Variants in CACNA1A observed in about 807,000 individuals in gnomAD.
CACNA1A encodes voltage-dependent P/Q-type calcium channel subunit alpha-1A.
CACNA1A carries 57 observed loss-of-function variants against 262.4 expected under a neutral mutation model. That is an observed-to-expected ratio of 0.22 (90% CI 0.18 to 0.27). The LOEUF (loss-of-function observed/expected upper bound fraction) is 0.27. Among genes scored for constraint, CACNA1A ranks in the 10% least tolerant of loss-of-function variants. The pLI is 1.00. For missense variants in CACNA1A, 2,526 were observed against 3,562.8 expected, an observed-to-expected ratio of 0.71 and a Z score of 7.41; for synonymous variants, 1,431 against 1,419.3, an observed-to-expected ratio of 1.01 and a Z score of -0.18.
intron 3 of CACNA1A, among the ~76,000 whole-genome samples, chr19:13,409,594 G>A (rs564000553): frequency 2.0e-5 from 3 of 152,264 alleles, no homozygotes; most frequent in South Asian, 4.2e-4. Context: ...CACCCAGGCT[G>A]GAGTGCAGTG....
intron 1 of CACNA1A, among the ~76,000 whole-genome samples, chr19:13,467,378 G>A (rs966967929): frequency 3.9e-5 from 6 of 152,010 alleles, no homozygotes; most frequent in African/African-American, 1.2e-4. Context: ...CTACTGGGGA[G>A]GCTGAGGCAC....
intron 3 of CACNA1A, among the ~76,000 whole-genome samples, chr19:13,383,444 C>T (rs533965656): frequency 1.3e-5 from 2 of 152,236 alleles, no homozygotes; most frequent in Non-Finnish European, 2.9e-5. Flanking sequence ...GCCAGTTTTC[C>T]GTCACTCCTT....
intron 30 of CACNA1A, among the ~76,000 whole-genome samples, chr19:13,249,382 G>A (rs1051512756): frequency 1.3e-5 from 2 of 152,024 alleles, no homozygotes; most frequent in African/African-American, 4.8e-5. Context: ...TTGATACAGG[G>A]TCTTGCTCTG....
At chr19:13,443,292 A>T (rs2060756008) in intron 3 of CACNA1A, among the ~76,000 whole-genome samples, 1 of 152,196 alleles carries the variant, frequency 6.6e-6, no homozygotes. Flanking sequence ...CTCCATCTGT[A>T]AATGGGAATA....
At position 13,208,291 on chromosome 19, in the gene CACNA1A, G is replaced by A. The variant is rs144567102; in HGVS notation, c.6781-238C>T. Among the ~76,000 whole-genome samples, 30 of 150,868 alleles carry A rather than the reference G, an allele frequency of 2.0e-4. No individual in the cohort carries two copies. The East Asian group carries it at 5.7e-3, about 29-fold the overall frequency. ...GGGGAGTGAGACAGGGAGGGGAGGAGTCGAAAACCAACACAACAAAGTGAA... is the reference window on the plus strand; with the variant it reads ...GGGGAGTGAGACAGGGAGGGGAGGAATCGAAAACCAACACAACAAAGTGAA... On this transcript the variant is annotated intron_variant, in intron 46 of 46. Coordinates refer to ENST00000360228, the MANE Select transcript of CACNA1A (RefSeq NM_001127222.2).
intron 6 of CACNA1A, among the ~76,000 whole-genome samples, chr19:13,338,123 G>A (rs998908703): frequency 6.6e-6 from 1 of 152,138 alleles, no homozygotes; most frequent in Non-Finnish European, 1.5e-5. Context: ...GCTGAGGCAG[G>A]AGAATGGCGT....
chr19:13,435,986 A>C (rs374166041), intron 3 of CACNA1A, among the ~76,000 whole-genome samples: 1 of 152,030 alleles, frequency 6.6e-6, no homozygotes, highest in Admixed American at 6.6e-5. Flanking sequence ...CACCAAACCC[A>C]GCTAATTTTT....
intron 1 of CACNA1A, among the ~76,000 whole-genome samples, chr19:13,459,463 A>T (rs769407697): frequency 1.3e-5 from 2 of 152,150 alleles, no homozygotes; most frequent in Non-Finnish European, 2.9e-5. Flanking sequence ...GACTCAGGGC[A>T]ATTTGGGGAG....
intron 3 of CACNA1A, among the ~76,000 whole-genome samples, chr19:13,388,940 T>G (rs1331860802): frequency 6.6e-6 from 1 of 152,206 alleles, no homozygotes; most frequent in Non-Finnish European, 1.5e-5. Flanking sequence ...TTTGCTCTTG[T>G]CACCCAGGCT....
intron 19 of CACNA1A, among the ~76,000 whole-genome samples, chr19:13,295,079 T>C (rs182772657): frequency 6.6e-6 from 1 of 152,320 alleles, no homozygotes; most frequent in Non-Finnish European, 1.5e-5. Flanking sequence ...TGGGAGCAGT[T>C]TCTTGGTCGT....
chr19:13,300,559 G>C lies in CACNA1A; in HGVS notation c.2270C>G (p.Ser757Cys). The C allele has an allele frequency of 3.1e-6, 5 of 1,611,760 alleles. No homozygotes were observed. Among genetic ancestry groups the C allele is most frequent in the Non-Finnish European group, 2.5e-6 (3 of 1,177,842 alleles). Reference protein sequence around the residue: ...EVSPLSAANMSIAVKEQQKNQ... With the variant: ...EVSPLSAANMCIAVKEQQKNQ... ...GATTAGGGGCACTTACACAGCTATA[G>C]ACATGTTGGCCGCGGACAGAGGACT... Residue 757 changes from serine to cysteine, a missense_variant, in exon 18 of 47, where the codon TCT (serine) becomes TGT (cysteine). Transcript: ENST00000360228.
chr19:13,416,973 CATACGGATATTAATATCCAA>C (rs2060233774), intron 3 of CACNA1A, among the ~76,000 whole-genome samples: 2 of 152,178 alleles, frequency 1.3e-5, no homozygotes, highest in Non-Finnish European at 2.9e-5. Context: ...TTAATATCCA[CATACGGATATTAATATCCAA>C]ATACGTGCAA....
chr19:13,282,935 C>T lies in CACNA1A; in HGVS notation c.3822+332G>A, dbSNP rs141232704. Among the ~76,000 whole-genome samples, 751 of 152,256 alleles carry T rather than the reference C, an allele frequency of 4.9e-3. 4 individuals carry two copies. Among genetic ancestry groups the T allele is most frequent in the Non-Finnish European group, 7.9e-3 (535 of 68,000 alleles). Reference sequence around the variant, plus strand: ...GGACCACCTCTGAGCACCGCCCCTGCCCCAGTAACCCCCCTATTCCATGTA... The same window carrying T: ...GGACCACCTCTGAGCACCGCCCCTGTCCCAGTAACCCCCCTATTCCATGTA... On this transcript the variant is annotated intron_variant, in intron 22 of 46. Coordinates refer to ENST00000360228, the MANE Select transcript of CACNA1A (RefSeq NM_001127222.2).
intron 44 of CACNA1A, among the ~76,000 whole-genome samples, 154 bp downstream of exon 44, chr19:13,210,463 A>C (rs1482305098): frequency 6.6e-6 from 1 of 151,980 alleles, no homozygotes; most frequent in Non-Finnish European, 1.5e-5. Flanking sequence ...GACACCACAC[A>C]CAAGGATTGG....
chr19:13,475,599 T>C (rs1978432324), intron 1 of CACNA1A, among the ~76,000 whole-genome samples: 1 of 152,190 alleles, frequency 6.6e-6, no homozygotes, highest in African/African-American at 2.4e-5. Flanking sequence ...AGGTAAAGGA[T>C]ACCCCCTCAG....
chr19:13,418,503 A>G (rs201251581), intron 3 of CACNA1A, among the ~76,000 whole-genome samples: 2 of 152,188 alleles, frequency 1.3e-5, no homozygotes, highest in South Asian at 2.1e-4. Context: ...TATGAGGGCA[A>G]GAGTTTATTC....
At chr19:13,323,165 A>G (rs1356189879) in intron 10 of CACNA1A, among the ~76,000 whole-genome samples, 3 of 152,178 alleles carry the variant, frequency 2.0e-5, no homozygotes, top group Non-Finnish European at 4.4e-5. Flanking sequence ...AGGCTGAGGC[A>G]GGAGAATCCC....
At chr19:13,424,935 G>C (rs539321355) in intron 3 of CACNA1A, among the ~76,000 whole-genome samples, 23 of 151,994 alleles carry the variant, frequency 1.5e-4, no homozygotes, top group Admixed American at 6.6e-5. Flanking sequence ...CTCCCAAGTA[G>C]CTGGGATTAC....
intron 7 of CACNA1A, 68 bp downstream of exon 7, chr19:13,335,738 G>T: frequency 1.0e-6 from 1 of 994,344 alleles, no homozygotes; most frequent in Non-Finnish European, 1.6e-6. Context: ...AGCTTCAATG[G>T]CCTCTACTTG....
Sources: gnomAD v4.1 joint callset for allele counts (sites outside exome capture counted in the v4.1 genomes callset) on GRCh38, gnomAD v4.1.1 for gene constraint, MANE v1.5 for transcripts, NCBI Gene and HGNC (gene_info 2026-07-23, HGNC 2026-07-21) for gene names.